NELL2: variants seen among roughly 807,000 people sequenced by gnomAD.
NELL2 encodes the protein protein kinase C-binding protein NELL2.
NELL2 carries 41 observed loss-of-function variants against 109.6 expected under a neutral mutation model. The observed-to-expected ratio is 0.37, with a 90% CI of 0.29 to 0.49. The LOEUF is 0.49. NELL2 is among the 20% of genes least tolerant of loss of function. NELL2 has a pLI of 0.98. For missense variants in NELL2, 900 were observed against 1,008.3 expected (o/e 0.89, Z 1.45); for synonymous variants, 355 against 344.7 (o/e 1.03, Z -0.33).
At chr12:44,835,875 G>C (rs1944038986) in intron 2 of NELL2, among the ~76,000 whole-genome samples, 1 of 152,210 alleles carries the variant, frequency 6.6e-6, no homozygotes, top group Non-Finnish European at 1.5e-5. Context: ...AACAGTGAAA[G>C]AAGTAAATGT....
chr12:44,677,810 AAAC>A (rs1303119145), intron 12 of NELL2, among the ~76,000 whole-genome samples: 3 of 152,110 alleles, frequency 2.0e-5, no homozygotes, highest in Admixed American at 2.0e-4. Context: ...TTTTTTAACT[AAAC>A]AACTGGGTGG....
chr12:44,574,694 A>C (rs1944006126), intron 15 of NELL2, among the ~76,000 whole-genome samples: 1 of 152,216 alleles, frequency 6.6e-6, no homozygotes. Context: ...AACATGAAGC[A>C]AAAATACCAT....
intron 9 of NELL2, among the ~76,000 whole-genome samples, chr12:44,768,621 G>A (rs1941427865): frequency 6.6e-6 from 1 of 152,096 alleles, no homozygotes; most frequent in African/African-American, 2.4e-5. Flanking sequence ...GATTTCCAGT[G>A]ACACCATTAG....
At position 44,602,062 on chromosome 12, in the gene NELL2, C is replaced by A. The variant is rs74078489; in HGVS notation, c.1663+5107G>T. ...TATCTAAGCCAATTCAAGCAGGGTA[C>A]GGTCAAAAAGCCTTTGGTGAGAGTG... On this transcript the variant is annotated intron_variant, in intron 15 of 19. Coordinates refer to ENST00000429094, the MANE Select transcript of NELL2 (RefSeq NM_001145108.2). Among the ~76,000 whole-genome samples, 1,137 of 152,182 alleles carry A rather than the reference C, an allele frequency of 7.5e-3. 11 individuals are homozygous for A. Among genetic ancestry groups the A allele is most frequent in the African/African-American group, 0.026 (1,100 of 41,524 alleles).
chr12:44,668,534 C>A (rs1035862973), intron 12 of NELL2, among the ~76,000 whole-genome samples: 1 of 152,082 alleles, frequency 6.6e-6, no homozygotes, highest in Non-Finnish European at 1.5e-5. Flanking sequence ...TCTTGAGAGA[C>A]CTGTCTCTCC....
chr12:44,783,991 A>T (rs2136609661), intron 3 of NELL2, among the ~76,000 whole-genome samples: 1 of 152,258 alleles, frequency 6.6e-6, no homozygotes, highest in South Asian at 2.1e-4. Context: ...AGTGGGGTTT[A>T]TTCCAGGGAT....
intron 2 of NELL2, among the ~76,000 whole-genome samples, chr12:44,823,445 G>T (rs988989218): frequency 5.9e-5 from 9 of 152,066 alleles, no homozygotes; most frequent in Admixed American, 1.3e-4. Context: ...CTGCTTCTAT[G>T]AATTCAATGT....
chr12:44,603,322 G>C (rs1344229427), intron 15 of NELL2, among the ~76,000 whole-genome samples: 1 of 151,830 alleles, frequency 6.6e-6, no homozygotes, highest in Non-Finnish European at 1.5e-5. Context: ...ATTTTAATTT[G>C]ATTTAAGTCA....
rs750050409 is a variant in NELL2, at chr12:44,703,809, A to G, written c.1235T>C (p.Ile412Thr). ...AGCCCTGTCATTCAGATTTCTGCAG[A>G]TGGAATTCTCCATGCAGTTATGCCT... ...SERHNCMENS[I>T]CRNLNDRAVC... The change falls in exon 12 of 20, where the codon ATC becomes ACC. Residue 412 changes from isoleucine (I) to threonine (T), a missense_variant. Physicochemically the swap from Ile to Thr is moderately conservative, Grantham distance 89. Transcript: ENST00000429094. 6.2e-7 allele frequency: 1 copy of G among 1,613,514 alleles called. No individual in the cohort carries two copies. Among genetic ancestry groups the G allele is most frequent in the Non-Finnish European group, 8.5e-7 (1 of 1,179,582 alleles).
chr12:44,654,460 T>C (rs1303993843), intron 13 of NELL2, among the ~76,000 whole-genome samples: 1 of 152,228 alleles, frequency 6.6e-6, no homozygotes, highest in African/African-American at 2.4e-5. Context: ...ATCTATCTCC[T>C]GCTAGCCATA....
chr12:44,795,350 G>A (rs946151558), intron 3 of NELL2, among the ~76,000 whole-genome samples: 39 of 152,092 alleles, frequency 2.6e-4, no homozygotes, highest in Non-Finnish European at 5.1e-4. Flanking sequence ...CACAGGCTTT[G>A]GAATTGAAAA....
intron 13 of NELL2, among the ~76,000 whole-genome samples, chr12:44,644,632 A>AG (rs1947021973): frequency 1.8e-5 from 1 of 55,860 alleles, no homozygotes; most frequent in African/African-American, 1.1e-4. Flanking sequence ...ATATACATAC[A>AG]TATATATATA....
chr12:44,877,553 CA>C (rs36111169), upstream of NELL2, among the ~76,000 whole-genome samples: 3,134 of 152,206 alleles, frequency 0.021, 107 homozygotes, highest in East Asian at 0.18. Context: ...CTACAGTTAC[CA>C]AAATGCCTAC....
chr12:44,783,864 G>A (rs1942058917), intron 3 of NELL2, among the ~76,000 whole-genome samples: 1 of 151,892 alleles, frequency 6.6e-6, no homozygotes. Flanking sequence ...GATAAAGATA[G>A]TACAAAAAAG....
rs533358531 is a variant in NELL2, at chr12:44,648,049, T to C, written c.1444+17435A>G. On this transcript the variant is annotated intron_variant, in intron 13 of 19. Coordinates refer to ENST00000429094, the MANE Select transcript of NELL2 (RefSeq NM_001145108.2). ...TCAAAGTAGAAGAGAGCAGTGGAGA[T>C]TGCCACACAGGTCACTATGCTTGGA... Among the ~76,000 whole-genome samples, 8 of 152,186 alleles carry C rather than the reference T, an allele frequency of 5.3e-5. No individual in the cohort carries two copies. In the East Asian group the frequency reaches 9.7e-4, roughly 18 times the overall value.
At chr12:44,662,230 A>T (rs1947770188) in intron 13 of NELL2, among the ~76,000 whole-genome samples, 1 of 152,216 alleles carries the variant, frequency 6.6e-6, no homozygotes, top group African/African-American at 2.4e-5. Context: ...TCATTATTAT[A>T]AGATCTGTAG....
At chr12:44,586,788 AAGG>A (rs1944523245) in intron 15 of NELL2, among the ~76,000 whole-genome samples, 1 of 152,168 alleles carries the variant, frequency 6.6e-6, no homozygotes, top group African/African-American at 2.4e-5. Flanking sequence ...TTATTTTTTG[AAGG>A]AGATTGGAAT....
intron 1 of NELL2, among the ~76,000 whole-genome samples, chr12:44,881,355 G>A (rs918364478): frequency 6.6e-6 from 1 of 151,854 alleles, no homozygotes; most frequent in Non-Finnish European, 1.5e-5. Flanking sequence ...TTATAAAAAT[G>A]CTCTAACAAA....
Position 44,558,743 on chromosome 12 carries a change from G to T in NELL2, c.1664-26022C>A, listed in dbSNP as rs116535463. 1.7e-3 allele frequency among the ~76,000 whole-genome samples: 257 copies of T among 152,270 alleles called. 1 individual carries two copies. The highest frequency in any genetic ancestry group is 5.9e-3 in the African/African-American group (247 of 41,540). On this transcript the variant is annotated intron_variant, in intron 15 of 19. Transcript: ENST00000429094. The stretch of plus-strand genomic sequence containing the variant: ...CCCTGGGTTTCAAGCGCAAAACCGA[G>T]CGGTTGTTTGGGCAGACACTGAGCT...
Sources: allele counts gnomAD v4.1 joint callset (sites outside exome capture counted in the v4.1 genomes callset), GRCh38; gene constraint gnomAD v4.1.1; transcripts MANE v1.5; gene names NCBI Gene and HGNC (gene_info 2026-07-23, HGNC 2026-07-21).